Variants in TLR2 observed in about 807,000 individuals in gnomAD.
TLR2 encodes toll like receptor 2, also known as toll-like receptor 2.
A neutral mutation model predicts 9.1 loss-of-function variants in TLR2; 7 were observed. The ratio of observed to expected loss-of-function variants is 0.77; its 90% CI spans 0.44 to 1.44. The LOEUF (loss-of-function observed/expected upper bound fraction) is 1.44, where lower values mean the gene tolerates loss of function less well. Ranked by LOEUF, TLR2 falls within the 40% of genes most tolerant of loss-of-function variation. The probability of loss-of-function intolerance (pLI) is 0.01; values close to 1 mark genes in which losing one functional copy is unlikely to be tolerated. For missense variants in TLR2, 812 were observed against 904.6 expected, an observed-to-expected ratio of 0.90 and a Z score of 1.31; for synonymous variants, 317 against 344.6, an observed-to-expected ratio of 0.92 and a Z score of 0.89.
chr4:153,695,773 TTTC>T (rs1196016201), intron 2 of TLR2, among the ~76,000 whole-genome samples: 1 of 152,194 alleles, frequency 6.6e-6, no homozygotes, highest in African/African-American at 2.4e-5. Flanking sequence ...CATGGAGAGT[TTTC>T]TTAATGTTTT....
downstream of TLR2, chr4:153,710,634 G>A (rs1021509599): frequency 2.7e-6 from 2 of 748,332 alleles, no homozygotes; most frequent in Non-Finnish European, 4.3e-6. Flanking sequence ...AGCCCCTTAT[G>A]TGAGTTTTAT....
chr4:153,685,515 C>G (rs1168109330), intron 1 of TLR2, among the ~76,000 whole-genome samples: 2 of 152,130 alleles, frequency 1.3e-5, no homozygotes, highest in East Asian at 3.8e-4. Flanking sequence ...AAACAAACAA[C>G]AAAACACAAA....
intron 2 of TLR2, among the ~76,000 whole-genome samples, chr4:153,697,247 C>T (rs1314824379): frequency 1.3e-5 from 2 of 151,926 alleles, no homozygotes; most frequent in East Asian, 3.9e-4. Flanking sequence ...GAAATTTGTC[C>T]TCTATGTTAA....
At chr4:153,709,588 A>G (rs1737436785), downstream of TLR2, among the ~76,000 whole-genome samples, 1 of 152,264 alleles carries the variant, frequency 6.6e-6, no homozygotes, top group South Asian at 2.1e-4. Flanking sequence ...GGAACAAAAC[A>G]TAAAATTCCT....
intron 2 of TLR2, among the ~76,000 whole-genome samples, chr4:153,692,141 A>G (rs1180170392): frequency 6.6e-6 from 1 of 152,206 alleles, no homozygotes; most frequent in Non-Finnish European, 1.5e-5. Flanking sequence ...GGAATTGTAA[A>G]TGCAAACAGT....
downstream of TLR2, chr4:153,710,577 A>G: frequency 8.1e-7 from 1 of 1,233,680 alleles, no homozygotes; most frequent in Non-Finnish European, 1.2e-6. Context: ...TAAACAATGT[A>G]ATGAATGGGT....
At chr4:153,707,608 AT>A (rs1395192547), downstream of TLR2, among the ~76,000 whole-genome samples, 1 of 152,188 alleles carries the variant, frequency 6.6e-6, no homozygotes, top group Non-Finnish European at 1.5e-5. Flanking sequence ...GAAACTTGAG[AT>A]TCCACAGACA....
At chr4:153,697,071 G>C (rs920383583) in intron 2 of TLR2, among the ~76,000 whole-genome samples, 7 of 152,072 alleles carry the variant, frequency 4.6e-5, no homozygotes, top group African/African-American at 1.7e-4. Flanking sequence ...AAGAGAAAGA[G>C]TATAGAAGAA....
At chr4:153,695,630 C>G (rs1736438267) in intron 2 of TLR2, among the ~76,000 whole-genome samples, 1 of 152,086 alleles carries the variant, frequency 6.6e-6, no homozygotes, top group Non-Finnish European at 1.5e-5. Flanking sequence ...TGTGTATTGC[C>G]TCTGCACTTT....
Position 153,704,794 on chromosome 4 carries a change from G to A in TLR2, c.1887G>A (p.Arg629=), listed in dbSNP as rs267600046. 6.2e-7 allele frequency: 1 copy of A among 1,613,972 alleles called. No homozygotes were observed. Among genetic ancestry groups the A allele is most frequent in the Non-Finnish European group, 8.5e-7 (1 of 1,179,984 alleles). Residue 629 remains arginine, a synonymous_variant, in exon 3 of 3, where the codon AGG becomes AGA. Coordinates refer to ENST00000642700, the MANE Select transcript of TLR2 (RefSeq NM_001318789.2). ...KMMWAWLQAK[R]KPRKAPSRNI... ...TGTGGGCCTGGCTCCAGGCCAAAAG[G>A]AAGCCCAGGAAAGCTCCCAGCAGGA... is the stretch of plus-strand genomic sequence containing the variant.
At chr4:153,692,608 A>G (rs1191348068) in intron 2 of TLR2, among the ~76,000 whole-genome samples, 1 of 152,172 alleles carries the variant, frequency 6.6e-6, no homozygotes, top group Non-Finnish European at 1.5e-5. Flanking sequence ...ATTTTTTCCT[A>G]GTCCCATACC....
At chr4:153,686,460 A>G (rs1735712508) in intron 1 of TLR2, among the ~76,000 whole-genome samples, 1 of 152,178 alleles carries the variant, frequency 6.6e-6, no homozygotes, top group Non-Finnish European at 1.5e-5. Context: ...CTTCAAAACA[A>G]CCCAACAATC....
At chr4:153,690,357 T>C (rs1736023929) in intron 2 of TLR2, among the ~76,000 whole-genome samples, 1 of 152,240 alleles carries the variant, frequency 6.6e-6, no homozygotes, top group Non-Finnish European at 1.5e-5. Context: ...TCCTTGAGAA[T>C]TATATGGGAT....
At chr4:153,686,270 T>C (rs146947013) in intron 1 of TLR2, among the ~76,000 whole-genome samples, 1 of 152,300 alleles carries the variant, frequency 6.6e-6, no homozygotes, top group Non-Finnish European at 1.5e-5. Context: ...TCAACACTGT[T>C]GCATTGAAGA....
At chr4:153,692,793 C>T (rs1560739852) in intron 2 of TLR2, among the ~76,000 whole-genome samples, 1 of 152,162 alleles carries the variant, frequency 6.6e-6, no homozygotes, top group Non-Finnish European at 1.5e-5. Context: ...CTTCACAATG[C>T]AAAATATAAC....
chr4:153,690,128 C>T (rs1156965078), intron 2 of TLR2, among the ~76,000 whole-genome samples: 1 of 152,210 alleles, frequency 6.6e-6, no homozygotes, highest in African/African-American at 2.4e-5. Context: ...GTTGTCAGAT[C>T]TCTGCACCAA....
chr4:153,707,120 A>T (rs1039422993), downstream of TLR2, among the ~76,000 whole-genome samples: 1 of 152,176 alleles, frequency 6.6e-6, no homozygotes, highest in African/African-American at 2.4e-5. Flanking sequence ...GCAGGGATAT[A>T]AGGGATCCTG....
At chr4:153,693,697 A>T (rs1736282781) in intron 2 of TLR2, among the ~76,000 whole-genome samples, 1 of 152,134 alleles carries the variant, frequency 6.6e-6, no homozygotes, top group East Asian at 1.9e-4. Context: ...ACTTCATTAT[A>T]CTTTCCTTCC....
chr4:153,696,113 C>T (rs900145365), intron 2 of TLR2, among the ~76,000 whole-genome samples: 1 of 152,008 alleles, frequency 6.6e-6, no homozygotes, highest in Non-Finnish European at 1.5e-5. Context: ...AATGTGATTC[C>T]TCCAGTTTTG....
Sources: allele counts gnomAD v4.1 joint callset (sites outside exome capture counted in the v4.1 genomes callset), GRCh38; gene constraint gnomAD v4.1.1; transcripts MANE v1.5; gene names NCBI Gene and HGNC (gene_info 2026-07-23, HGNC 2026-07-21).